The following DENND1B variants were observed in gnomAD, a reference collection of about 807,000 sequenced individuals.
DENND1B encodes DENN domain containing 1B.
In DENND1B, 59 loss-of-function variants were observed where a neutral mutation model predicts 90.1. The ratio of observed to expected loss-of-function variants is 0.65; its 90% confidence interval spans 0.53 to 0.81. DENND1B has a LOEUF of 0.81. Ranked by LOEUF, DENND1B falls within the 40% of genes least tolerant of loss-of-function variation. The pLI is 0.00. For missense variants in DENND1B, 862 were observed against 912.6 expected (o/e 0.94, Z 0.71); for synonymous variants, 337 against 324.6 (o/e 1.04, Z -0.41).
At chr1:197,566,007 T>C (rs1468848484) in intron 15 of DENND1B, among the ~76,000 whole-genome samples, 1 of 151,932 alleles carries the variant, frequency 6.6e-6, no homozygotes, top group Non-Finnish European at 1.5e-5. Context: ...ATATACCCAG[T>C]AATGGGATGG....
intron 7 of DENND1B, among the ~76,000 whole-genome samples, chr1:197,649,014 CAG>C (rs1191180907): frequency 1.3e-5 from 2 of 152,082 alleles, no homozygotes; most frequent in African/African-American, 4.8e-5. Context: ...CATAAAGCAG[CAG>C]AGAGGGTCAC....
intron 2 of DENND1B, among the ~76,000 whole-genome samples, chr1:197,731,375 T>A (rs997626950): frequency 2.6e-5 from 4 of 152,140 alleles, no homozygotes; most frequent in Non-Finnish European, 5.9e-5. Context: ...TACTAGTCTA[T>A]CCTCTAGGAA....
intron 15 of DENND1B, among the ~76,000 whole-genome samples, chr1:197,563,684 A>C (rs937343979): frequency 6.6e-6 from 1 of 152,014 alleles, no homozygotes; most frequent in East Asian, 1.9e-4. Flanking sequence ...TTGACTTTCA[A>C]GTCTTATTAT....
intron 2 of DENND1B, among the ~76,000 whole-genome samples, chr1:197,741,738 A>G (rs1464524473): frequency 6.6e-6 from 1 of 152,170 alleles, no homozygotes; most frequent in Non-Finnish European, 1.5e-5. Flanking sequence ...TATACACAGA[A>G]TGAATAAAAT....
intron 2 of DENND1B, among the ~76,000 whole-genome samples, chr1:197,718,713 T>C (rs1425608853): frequency 6.6e-6 from 1 of 152,074 alleles, no homozygotes; most frequent in African/African-American, 2.4e-5. Context: ...AAGAATAATC[T>C]GGGCCATAAA....
intron 6 of DENND1B, among the ~76,000 whole-genome samples, 177 bp downstream of exon 6, chr1:197,658,123 A>G (rs1292244346): frequency 6.6e-6 from 1 of 152,140 alleles, no homozygotes; most frequent in Non-Finnish European, 1.5e-5. Context: ...ATACTGTTTA[A>G]TGGATACAGA....
intron 11 of DENND1B, among the ~76,000 whole-genome samples, chr1:197,615,412 C>T (rs919801189): frequency 1.3e-5 from 2 of 151,054 alleles, no homozygotes; most frequent in African/African-American, 4.8e-5. Flanking sequence ...GTTGCAAAAA[C>T]AGAAATACTT....
At chr1:197,735,348 T>G in intron 2 of DENND1B, 1 of 1,318,256 alleles carries the variant, frequency 7.6e-7, no homozygotes, top group African/African-American at 1.5e-5. Flanking sequence ...GCTACACAGC[T>G]CCACCTTGGC....
chr1:197,545,717 T>C (rs2125670236), intron 18 of DENND1B: 2 of 469,410 alleles, frequency 4.3e-6, no homozygotes, highest in Admixed American at 4.2e-5. Flanking sequence ...ATGAGAACCA[T>C]TTTTAGATTA....
intron 20 of DENND1B, among the ~76,000 whole-genome samples, chr1:197,518,123 T>C (rs1668528793): frequency 6.6e-6 from 1 of 151,826 alleles, no homozygotes; most frequent in Non-Finnish European, 1.5e-5. Context: ...GCACATTGTG[T>C]CATACATACT....
intron 2 of DENND1B, among the ~76,000 whole-genome samples, chr1:197,765,033 C>T (rs1459653812): frequency 6.6e-6 from 1 of 152,176 alleles, no homozygotes; most frequent in Non-Finnish European, 1.5e-5. Context: ...TGGGATTATA[C>T]TAAGTGCTCT....
chr1:197,761,422 A>G (rs866128176), intron 2 of DENND1B, among the ~76,000 whole-genome samples: 20 of 152,322 alleles, frequency 1.3e-4, no homozygotes, highest in African/African-American at 4.8e-4. Flanking sequence ...AAGAGCACCT[A>G]TAATTTTAAT....
At chr1:197,513,726 A>G (rs1390094371) in intron 20 of DENND1B, among the ~76,000 whole-genome samples, 1 of 151,470 alleles carries the variant, frequency 6.6e-6, no homozygotes, top group Non-Finnish European at 1.5e-5. Context: ...TTCTCCCCAT[A>G]TTTTTTAGTA....
At chr1:197,612,052 T>C in intron 11 of DENND1B, 76 bp from the exon 12 acceptor site, 1 of 1,179,884 alleles carries the variant, frequency 8.5e-7, no homozygotes, top group Non-Finnish European at 1.2e-6. Flanking sequence ...TAATTCAAAA[T>C]GATTAAAAAT....
In DENND1B at chr1:197,507,436, T is replaced by C. The variant is rs1667781707; in HGVS notation, c.*3024A>G. Reference sequence around the variant, plus strand: ...GTAATCATCAAAAGATACCACTTAGTAATATTTTCACTTAAAAAAATAGCT... The same window carrying C: ...GTAATCATCAAAAGATACCACTTAGCAATATTTTCACTTAAAAAAATAGCT... On this transcript the variant is annotated 3_prime_UTR_variant, in exon 23 of 23. Coordinates refer to ENST00000620048, the MANE Select transcript of DENND1B (RefSeq NM_001195215.2). 1 of 151,342 alleles carries C rather than the reference T, an allele frequency of 6.6e-6. No individual in the cohort carries two copies. Among genetic ancestry groups the C allele is most frequent in the Admixed American group, 6.6e-5 (1 of 15,152 alleles). 9.4% of individuals were successfully genotyped at this position (151,342 alleles called of 1,614,324 possible). A position where few individuals can be genotyped will look rare whatever the true frequency, so the allele number is the denominator to read the frequency against.
chr1:197,722,115 T>G (rs1041370433), intron 2 of DENND1B, among the ~76,000 whole-genome samples: 3 of 152,110 alleles, frequency 2.0e-5, no homozygotes, highest in African/African-American at 7.2e-5. Context: ...TTTCATGAAT[T>G]TAAGCAATTA....
At chr1:197,627,238 T>C (rs951133824) in intron 10 of DENND1B, among the ~76,000 whole-genome samples, 3 of 152,018 alleles carry the variant, frequency 2.0e-5, no homozygotes, top group Non-Finnish European at 2.9e-5. Context: ...AAGAGAATTT[T>C]AGACCAATAT....
chr1:197,778,267 C>T (rs929030991), upstream of DENND1B, among the ~76,000 whole-genome samples: 1 of 152,172 alleles, frequency 6.6e-6, no homozygotes, highest in Non-Finnish European at 1.5e-5. Context: ...TTCAAACTTT[C>T]TAAACCATCA....
intron 7 of DENND1B, among the ~76,000 whole-genome samples, chr1:197,651,645 C>CT (rs34012616): frequency 0.021 from 1,274 of 61,574 alleles, 341 homozygotes; most frequent in East Asian, 0.071. Flanking sequence ...ATCAATGCTT[C>CT]TTTTTTTTTT....
Sources: allele counts gnomAD v4.1 joint callset (sites outside exome capture counted in the v4.1 genomes callset), GRCh38; gene constraint gnomAD v4.1.1; transcripts MANE v1.5; gene names NCBI Gene and HGNC (gene_info 2026-07-23, HGNC 2026-07-21).